SH3PXD2A: variants seen among roughly 807,000 people sequenced by gnomAD.
The protein encoded by SH3PXD2A is SH3 and PX domains 2A, also known as SH3 and PX domain-containing protein 2A.
SH3PXD2A carries 32 observed loss-of-function variants against 115.2 expected under a neutral mutation model. That is an observed-to-expected ratio of 0.28 (90% CI 0.21 to 0.37). The LOEUF (loss-of-function observed/expected upper bound fraction) is 0.37. Ranked by LOEUF, SH3PXD2A falls within the 10% of genes least tolerant of loss-of-function variation. SH3PXD2A has a pLI of 1.00. For missense variants in SH3PXD2A, 1,328 were observed against 1,498.7 expected (o/e 0.89, Z 1.88); for synonymous variants, 610 against 629.1 (o/e 0.97, Z 0.45).
At chr10:103,737,547 G>T (rs1243571600) in intron 3 of SH3PXD2A, among the ~76,000 whole-genome samples, 3 of 152,200 alleles carry the variant, frequency 2.0e-5, no homozygotes, top group Non-Finnish European at 4.4e-5. Context: ...AGTGTTATCA[G>T]GCCAGTTAAT....
At chr10:103,697,168 T>G (rs2134136987) in intron 5 of SH3PXD2A, among the ~76,000 whole-genome samples, 1 of 152,214 alleles carries the variant, frequency 6.6e-6, no homozygotes, top group Non-Finnish European at 1.5e-5. Flanking sequence ...TGATCTACTT[T>G]CTTGGCCTCT....
intron 4 of SH3PXD2A, among the ~76,000 whole-genome samples, chr10:103,733,610 T>A (rs2038348224): frequency 6.6e-6 from 1 of 152,244 alleles, no homozygotes; most frequent in Non-Finnish European, 1.5e-5. Flanking sequence ...TGGGGCATCC[T>A]TTTAAAATAA....
At chr10:103,844,585 AC>A (rs1254680973) in intron 1 of SH3PXD2A, among the ~76,000 whole-genome samples, 7 of 152,362 alleles carry the variant, frequency 4.6e-5, no homozygotes, top group African/African-American at 1.4e-4. Context: ...GCACCTTCTC[AC>A]AGAAGCCCCT....
chr10:103,784,652 G>A lies in SH3PXD2A; in HGVS notation c.153+16630C>T, dbSNP rs896591393. 2.6e-5 allele frequency among the ~76,000 whole-genome samples: 4 copies of A among 152,122 alleles called. No individual in the cohort carries two copies. Among genetic ancestry groups the A allele is most frequent in the African/African-American group, 9.7e-5 (4 of 41,404 alleles). ...CTGGCAGCGGCTGGCTGGAGGGCAGGACAGTCCCAGTAAAAACTCGGGGGG... is the reference window on the plus strand; with the variant it reads ...CTGGCAGCGGCTGGCTGGAGGGCAGAACAGTCCCAGTAAAAACTCGGGGGG... On this transcript the variant is annotated intron_variant, in intron 2 of 14. Coordinates refer to ENST00000369774, the MANE Select transcript of SH3PXD2A (RefSeq NM_001394015.1). This position sits in a 1 kb window ranked among gnomAD's most constrained non-coding sequence, Gnocchi z 4.4.
intron 2 of SH3PXD2A, among the ~76,000 whole-genome samples, chr10:103,796,825 A>G (rs2039094245): frequency 6.7e-6 from 1 of 149,524 alleles, no homozygotes; most frequent in African/African-American, 2.4e-5. Flanking sequence ...AACGTTTTTT[A>G]GTGTAAGTAT....
At chr10:103,669,966 GA>G (rs1452817374) in intron 6 of SH3PXD2A, among the ~76,000 whole-genome samples, 1 of 152,236 alleles carries the variant, frequency 6.6e-6, no homozygotes, top group African/African-American at 2.4e-5. Context: ...CCATTTTGCA[GA>G]TGAAGAAGCT....
intron 6 of SH3PXD2A, among the ~76,000 whole-genome samples, chr10:103,670,317 C>A (rs2037439341): frequency 6.6e-6 from 1 of 152,184 alleles, no homozygotes; most frequent in Non-Finnish European, 1.5e-5. Flanking sequence ...TGTTCCTGAA[C>A]TTGTAAAAAT....
At chr10:103,695,219 C>T (rs1340832672) in intron 5 of SH3PXD2A, among the ~76,000 whole-genome samples, 2 of 152,160 alleles carry the variant, frequency 1.3e-5, no homozygotes, top group Non-Finnish European at 2.9e-5. Flanking sequence ...GTAGCCCAGG[C>T]AGGGGTGGCT....
intron 2 of SH3PXD2A, among the ~76,000 whole-genome samples, chr10:103,799,251 T>C (rs1473420231): frequency 1.3e-5 from 2 of 152,220 alleles, no homozygotes; most frequent in Non-Finnish European, 2.9e-5. Context: ...TCTTCCTCTA[T>C]AGGATCCGCC....
chr10:103,630,135 C>A (rs2036757184), intron 8 of SH3PXD2A, among the ~76,000 whole-genome samples: 1 of 152,268 alleles, frequency 6.6e-6, no homozygotes, highest in South Asian at 2.1e-4. Flanking sequence ...CACCATCCTC[C>A]CTGATGCCCA....
At chr10:103,747,098 T>C (rs2134199844) in intron 3 of SH3PXD2A, 1 of 152,260 alleles carries the variant, frequency 6.6e-6, no homozygotes, top group South Asian at 2.1e-4. Flanking sequence ...TGCTGAAAGG[T>C]GAGTGAGTGT....
chr10:103,825,970 A>G lies in SH3PXD2A; in HGVS notation c.73-24608T>C, dbSNP rs189446400. The stretch of plus-strand genomic sequence containing the variant: ...AGTAGAGATAGGGTTTCACCATGTT[A>G]GCCAGGATGGTCTCAATCTCCTGAC... On this transcript the variant is annotated intron_variant, in intron 1 of 14. Coordinates refer to ENST00000369774, the MANE Select transcript of SH3PXD2A (RefSeq NM_001394015.1). Among the ~76,000 whole-genome samples, 12 of 152,050 alleles carry G rather than the reference A, an allele frequency of 7.9e-5. 1 individual carries two copies. In the East Asian group the frequency reaches 2.3e-3, roughly 29 times the overall value.
At chr10:103,742,504 C>T (rs1244646464) in intron 3 of SH3PXD2A, among the ~76,000 whole-genome samples, 1 of 152,198 alleles carries the variant, frequency 6.6e-6, no homozygotes, top group Non-Finnish European at 1.5e-5. Flanking sequence ...GCCAGATTCA[C>T]AGGTTTCAAG....
intron 5 of SH3PXD2A, among the ~76,000 whole-genome samples, chr10:103,722,406 A>G (rs1350122256): frequency 2.0e-5 from 3 of 151,886 alleles, no homozygotes; most frequent in African/African-American, 7.3e-5. Flanking sequence ...CTTAATCACT[A>G]TTCCCTTTTT....
chr10:103,702,494 A>G (rs60133178), intron 5 of SH3PXD2A, among the ~76,000 whole-genome samples: 1,534 of 152,222 alleles, frequency 0.01, 27 homozygotes, highest in African/African-American at 0.033. Flanking sequence ...TTGAAAGATG[A>G]AGACTGTTTA....
intron 13 of SH3PXD2A, among the ~76,000 whole-genome samples, chr10:103,606,737 T>C (rs2036314768): frequency 6.6e-6 from 1 of 152,182 alleles, no homozygotes. Context: ...CCGCGAGTGA[T>C]CCGCCAGCCT....
Position 103,601,586 on chromosome 10 carries a change from C to G in SH3PXD2A, c.*230G>C. The G allele has an allele frequency of 2.1e-6, 1 of 471,460 alleles. No homozygotes were observed. Among genetic ancestry groups the G allele is most frequent in the South Asian group, 3.2e-5 (1 of 31,640 alleles). 29.2% of individuals were successfully genotyped at this position (471,460 alleles called of 1,614,324 possible). A position where few individuals can be genotyped will look rare whatever the true frequency, so the allele number is the denominator to read the frequency against. ...GGCTCTGGGTCCCAGGCCTGGGACT[C>G]CCTGGTCCATTCCCTTCCTCACTCA... On this transcript the variant is annotated 3_prime_UTR_variant, in exon 15 of 15. Coordinates refer to ENST00000369774, the MANE Select transcript of SH3PXD2A (RefSeq NM_001394015.1).
chr10:103,640,949 G>T (rs936353579), intron 8 of SH3PXD2A, among the ~76,000 whole-genome samples: 2 of 152,072 alleles, frequency 1.3e-5, no homozygotes, highest in Non-Finnish European at 2.9e-5. Flanking sequence ...TCCACAGCTC[G>T]AGGGCTGGCA....
intron 2 of SH3PXD2A, among the ~76,000 whole-genome samples, chr10:103,771,738 AACACACACACACACACACACACAC>A (rs3068820): frequency 7.0e-6 from 1 of 143,004 alleles, no homozygotes; most frequent in Admixed American, 7.0e-5. Context: ...CCGTCAAAAC[AACACACACACACACACACACACAC>A]ACACACACAC....
Sources: allele counts gnomAD v4.1 joint callset (sites outside exome capture counted in the v4.1 genomes callset), GRCh38; gene constraint gnomAD v4.1.1; non-coding constraint Gnocchi (gnomAD v3.1); transcripts MANE v1.5; gene names NCBI Gene and HGNC (gene_info 2026-07-23, HGNC 2026-07-21).